The following ZBTB10 variants were observed in gnomAD, a reference collection of about 807,000 sequenced individuals.
ZBTB10 encodes zinc finger and BTB domain-containing protein 10.
In ZBTB10, 32 loss-of-function variants were observed where a neutral mutation model predicts 76.4. The ratio of observed to expected loss-of-function variants is 0.42; its 90% CI spans 0.32 to 0.56. The LOEUF is 0.56. Ranked by LOEUF, ZBTB10 falls within the 20% of genes least tolerant of loss-of-function variation. The pLI is 0.14. For synonymous variants in ZBTB10, 523 were observed against 432.9 expected (o/e 1.21, Z -2.58); for missense variants, 1,057 against 1,098.5 (o/e 0.96, Z 0.53).
rs1434428644 is a variant in ZBTB10, at chr8:80,520,196, CT to C, written c.*669del. On this transcript the variant is annotated 3_prime_UTR_variant, in exon 6 of 6. Transcript: ENST00000455036. ...GAACTAACTGACTTCCTCCATTCCC[CT>C]CTTCCTTTTTGACATGAATTTTACT... 2.0e-5 allele frequency: 3 copies of C among 152,440 alleles called. No homozygotes were observed. The highest frequency in any genetic ancestry group is 4.4e-5 in the Non-Finnish European group (3 of 67,944). 9.4% of individuals were successfully genotyped at this position (152,440 alleles called of 1,614,324 possible).
intron 1 of ZBTB10, 48 bp downstream of exon 1, chr8:80,487,830 T>C (rs1563454955): frequency 3.3e-6 from 5 of 1,509,956 alleles, no homozygotes; most frequent in Non-Finnish European, 4.4e-6. Flanking sequence ...TAGGGAAAGG[T>C]TTATCAGCAC....
At position 80,523,399 on chromosome 8, in the gene ZBTB10, G is replaced by C. The variant is rs1002038825; in HGVS notation, c.*3871G>C. 2.0e-5 allele frequency: 3 copies of C among 151,624 alleles called. No homozygotes were observed. Among genetic ancestry groups the C allele is most frequent in the African/African-American group, 7.3e-5 (3 of 41,280 alleles). The allele number at this position is 151,624 out of a possible 1,614,324, so 9.4% of individuals were successfully genotyped here. A position where few individuals can be genotyped will look rare whatever the true frequency, so the allele number is the denominator to read the frequency against. Reference sequence around the variant, plus strand: ...TCTTTCTTCATAAAGCAGTTGTTTTGTCACTTTGACTATATTAAGACACAT... The same window carrying C: ...TCTTTCTTCATAAAGCAGTTGTTTTCTCACTTTGACTATATTAAGACACAT... On this transcript the variant is annotated 3_prime_UTR_variant, in exon 6 of 6. Coordinates refer to ENST00000455036, the MANE Select transcript of ZBTB10 (RefSeq NM_001105539.3).
chr8:80,491,779 C>A (rs894085172), intron 1 of ZBTB10, among the ~76,000 whole-genome samples: 1 of 152,214 alleles, frequency 6.6e-6, no homozygotes, highest in African/African-American at 2.4e-5. Context: ...ACCAGTTATT[C>A]TTGGTTTAGA....
intron 2 of ZBTB10, among the ~76,000 whole-genome samples, chr8:80,501,299 C>T (rs1815918416): frequency 1.3e-5 from 2 of 152,292 alleles, no homozygotes; most frequent in South Asian, 2.1e-4. Context: ...TCCAAAAGTT[C>T]CGTAGGAATC....
upstream of ZBTB10, chr8:80,485,714 G>T (rs960711278): frequency 1.4e-6 from 2 of 1,423,356 alleles, no homozygotes; most frequent in African/African-American, 2.9e-5. Context: ...GAAAGGCACC[G>T]CCTGGTCCAG....
At chr8:80,503,662 G>A (rs972160077) in intron 2 of ZBTB10, among the ~76,000 whole-genome samples, 5 of 152,060 alleles carry the variant, frequency 3.3e-5, no homozygotes, top group South Asian at 2.1e-4. Context: ...GACTACTGGC[G>A]TGCACCACTG....
At chr8:80,490,960 T>C (rs1045806364) in intron 1 of ZBTB10, among the ~76,000 whole-genome samples, 3 of 152,182 alleles carry the variant, frequency 2.0e-5, no homozygotes, top group South Asian at 2.1e-4. Context: ...TCCCAGCACT[T>C]TGCGGGGCCG....
intron 1 of ZBTB10, 93 bp from the exon 2 acceptor site, chr8:80,499,401 G>C: frequency 7.7e-7 from 1 of 1,304,158 alleles, no homozygotes; most frequent in Non-Finnish European, 1.0e-6. Flanking sequence ...TTTGATTATC[G>C]CTTTTTAAAA....
chr8:80,510,105 C>T (rs899200021), intron 2 of ZBTB10, among the ~76,000 whole-genome samples: 3 of 152,010 alleles, frequency 2.0e-5, no homozygotes, highest in African/African-American at 7.3e-5. Context: ...CCTTGGTATC[C>T]TTAAGATTTT....
rs1293703007 is a variant in ZBTB10, at chr8:80,523,617, G to A, written c.*4089G>A. 6.8e-6 allele frequency: 1 copy of A among 147,166 alleles called. No individual in the cohort carries two copies. The highest frequency in any genetic ancestry group is 2.1e-4 in the South Asian group (1 of 4,666). 9.1% of individuals were successfully genotyped at this position (147,166 alleles called of 1,614,324 possible). A position where few individuals can be genotyped will look rare whatever the true frequency, so the allele number is the denominator to read the frequency against. On this transcript the variant is annotated 3_prime_UTR_variant, in exon 6 of 6. Coordinates refer to ENST00000455036, the MANE Select transcript of ZBTB10 (RefSeq NM_001105539.3). ...GTCACTTTAGGACTTAAAATGGAAA[G>A]TTTTTTTTTTTTTCCTGCTGTATCT...
chr8:80,499,472 A>G (rs746429340), intron 1 of ZBTB10, 22 bp from the exon 2 acceptor site: 7 of 1,535,858 alleles, frequency 4.6e-6, no homozygotes, highest in Non-Finnish European at 5.2e-6. Flanking sequence ...GTTTAATATT[A>G]ATGTTTTTTA....
At chr8:80,495,135 CTTTT>C (rs368299745) in intron 1 of ZBTB10, among the ~76,000 whole-genome samples, 3 of 140,526 alleles carry the variant, frequency 2.1e-5, no homozygotes, top group East Asian at 4.1e-4. Flanking sequence ...CTCTCTCTCT[CTTTT>C]TTTTTTTTTT....
upstream of ZBTB10, chr8:80,485,986 A>T: frequency 9.4e-7 from 1 of 1,068,894 alleles, no homozygotes; most frequent in African/African-American, 1.9e-5. Context: ...CCTCCCTGAG[A>T]CCCCCAGCCC....
rs1423594471 is a variant in ZBTB10 at position 80,506,555 on chromosome 8, G to T, written c.1861+6173G>T. Among the ~76,000 whole-genome samples, 12 of 135,750 alleles carry T rather than the reference G, an allele frequency of 8.8e-5. No homozygotes were observed. The East Asian group carries it at 2.0e-3, about 23-fold the overall frequency. The allele number at this position is 135,750 out of a possible 152,430, so 89.1% of individuals were successfully genotyped here. On this transcript the variant is annotated intron_variant, in intron 2 of 5. Transcript: ENST00000455036. ...GCTGGTCTTGAACTCCTGACCTCAG[G>T]TGATCCACCCCCCCCCCAACCCCCG...
rs1318757614 is a variant in ZBTB10, at chr8:80,487,284, G to A, written c.474G>A (p.Pro158=). The change falls in exon 1 of 6, where the codon CCG becomes CCA. Residue 158 remains proline, a synonymous_variant. Transcript: ENST00000455036. ...TGAGGCATTTCAATGGGCGAGGGCC[G>A]GCGACTGTGGATCTGGAGCTGGACG... ...WPLRHFNGRG[P]ATVDLELDAL... 6.5e-6 allele frequency: 10 copies of A among 1,549,818 alleles called. No individual in the cohort carries two copies. The highest frequency in any genetic ancestry group is 8.7e-6 in the Non-Finnish European group (10 of 1,147,390).
chr8:80,494,895 A>G (rs1332494018), intron 1 of ZBTB10, among the ~76,000 whole-genome samples: 1 of 149,606 alleles, frequency 6.7e-6, no homozygotes, highest in Admixed American at 6.7e-5. Context: ...ACTGCACTCC[A>G]GCCTGGGTGA....
At chr8:80,496,239 AGTTTATTTTAGTGCTTTGT>A (rs1306051978) in intron 1 of ZBTB10, among the ~76,000 whole-genome samples, 1 of 152,192 alleles carries the variant, frequency 6.6e-6, no homozygotes, top group Non-Finnish European at 1.5e-5. Context: ...TGATATTGGC[AGTTTATTTTAGTGCTTTGT>A]GCTTATTTAG....
chr8:80,491,121 C>G (rs1815619679), intron 1 of ZBTB10, among the ~76,000 whole-genome samples: 1 of 152,186 alleles, frequency 6.6e-6, no homozygotes, highest in African/African-American at 2.4e-5. Context: ...TCAGTCACCA[C>G]TCACTGACTC....
At chr8:80,493,205 GCGCACACACACACACACACACACA>G (rs1410578508) in intron 1 of ZBTB10, among the ~76,000 whole-genome samples, 2 of 98,372 alleles carry the variant, frequency 2.0e-5, no homozygotes, top group African/African-American at 7.1e-5. Flanking sequence ...GCGCGCGCGC[GCGCACACACACACACACACACACA>G]CACACACACA....
Sources: gnomAD v4.1 joint callset for allele counts (sites outside exome capture counted in the v4.1 genomes callset) on GRCh38, gnomAD v4.1.1 for gene constraint, MANE v1.5 for transcripts, NCBI Gene and HGNC (gene_info 2026-07-23, HGNC 2026-07-21) for gene names.